Variants in COL5A2 observed in about 807,000 individuals in gnomAD.
The protein encoded by COL5A2 is collagen type V alpha 2 chain, also known as collagen alpha-2(V) chain.
COL5A2 carries 23 observed loss-of-function variants against 208.2 expected under a neutral mutation model. The ratio of observed to expected loss-of-function variants is 0.11; its 90% CI spans 0.08 to 0.16. The LOEUF is 0.16. Ranked by LOEUF, COL5A2 falls within the 10% of genes least tolerant of loss-of-function variation. COL5A2 has a pLI of 1.00. For missense variants in COL5A2, 1,590 were observed against 1,956.4 expected, an observed-to-expected ratio of 0.81 and a Z score of 3.53; for synonymous variants, 625 against 628.5, an observed-to-expected ratio of 0.99 and a Z score of 0.08.
chr2:189,257,425 T>C, the COL5A2 span, among the ~76,000 whole-genome samples: 5 of 152,210 alleles, frequency 3.3e-5, no homozygotes, highest in Non-Finnish European at 7.3e-5. Context: ...TTAATTTTAA[T>C]ATTTTAAGAT....
At chr2:189,106,132 C>T (rs778094898) in intron 2 of COL5A2, among the ~76,000 whole-genome samples, 1 of 151,358 alleles carries the variant, frequency 6.6e-6, no homozygotes, top group Non-Finnish European at 1.5e-5. Flanking sequence ...TTTTAACTTG[C>T]AATATGTTGA....
chr2:189,339,384 G>C, the COL5A2 span, among the ~76,000 whole-genome samples: 1 of 150,474 alleles, frequency 6.6e-6, no homozygotes, highest in African/African-American at 2.4e-5. Context: ...GTTTCAATTT[G>C]CTAACTGTTT....
chr2:189,143,006 G>C (rs1003195171), intron 1 of COL5A2, among the ~76,000 whole-genome samples: 2 of 151,984 alleles, frequency 1.3e-5, no homozygotes, highest in Admixed American at 1.3e-4. Context: ...ATGATTGTTC[G>C]ATCTCTCTCC....
chr2:189,402,006 T>C, the COL5A2 span, among the ~76,000 whole-genome samples: 6 of 152,150 alleles, frequency 3.9e-5, no homozygotes, highest in African/African-American at 1.4e-4. Context: ...AAAATTCCCA[T>C]TCTGTAGGTT....
the COL5A2 span, among the ~76,000 whole-genome samples, chr2:189,425,561 T>C: frequency 2.6e-5 from 4 of 152,180 alleles, no homozygotes; most frequent in Admixed American, 2.6e-4. Context: ...CGGATAAACC[T>C]AGAGGACATT....
the COL5A2 span, among the ~76,000 whole-genome samples, chr2:189,433,635 G>A: frequency 6.6e-6 from 1 of 152,144 alleles, no homozygotes; most frequent in Non-Finnish European, 1.5e-5. Context: ...AAACCAGGAA[G>A]AAGTTGAATC....
At chr2:189,243,306 T>A in the COL5A2 span, among the ~76,000 whole-genome samples, 1 of 152,182 alleles carries the variant, frequency 6.6e-6, no homozygotes, top group Non-Finnish European at 1.5e-5. Flanking sequence ...AACTATGGAA[T>A]TTGTATTAGT....
the COL5A2 span, among the ~76,000 whole-genome samples, chr2:189,350,153 T>C: frequency 6.6e-6 from 1 of 152,130 alleles, no homozygotes; most frequent in African/African-American, 2.4e-5. Context: ...GAAACAGGCA[T>C]ATAAATAAAT....
At chr2:189,046,965 TA>T in intron 45 of COL5A2, among the ~76,000 whole-genome samples, 1 of 151,932 alleles carries the variant, frequency 6.6e-6, no homozygotes, top group East Asian at 1.9e-4. Context: ...CTATTAAAAA[TA>T]CAAAAATTAG....
intron 47 of COL5A2, among the ~76,000 whole-genome samples, chr2:189,044,885 G>A (rs1576489905): frequency 6.6e-6 from 1 of 152,054 alleles, no homozygotes; most frequent in African/African-American, 2.4e-5. Flanking sequence ...TTTTAGAATA[G>A]CTCAGAGAGA....
At chr2:189,328,409 T>C in the COL5A2 span, among the ~76,000 whole-genome samples, 50 of 152,318 alleles carry the variant, frequency 3.3e-4, no homozygotes, top group Admixed American at 3.1e-3. Flanking sequence ...AAAATTCTTA[T>C]TGAAGTCCCA....
the COL5A2 span, among the ~76,000 whole-genome samples, chr2:189,299,922 G>A: frequency 6.6e-6 from 1 of 152,242 alleles, no homozygotes; most frequent in East Asian, 1.9e-4. Flanking sequence ...TGTGCAAAGT[G>A]GAACTAGAGA....
At chr2:189,224,424 C>T (rs1689386556) in intron 1 of COL5A2, among the ~76,000 whole-genome samples, 4 of 152,120 alleles carry the variant, frequency 2.6e-5, no homozygotes, top group African/African-American at 7.2e-5. Context: ...CACGGTGACT[C>T]ACGCCTGTAA....
chr2:189,041,040 C>T (rs1251582741), intron 50 of COL5A2, among the ~76,000 whole-genome samples: 17 of 152,156 alleles, frequency 1.1e-4, no homozygotes, highest in Admixed American at 1.1e-3. Context: ...ATGAGTACAC[C>T]TGTGCATGGA....
chr2:189,120,084 T>C (rs1429651672), intron 1 of COL5A2, among the ~76,000 whole-genome samples: 1 of 152,146 alleles, frequency 6.6e-6, no homozygotes, highest in South Asian at 2.1e-4. Flanking sequence ...ATTTAATCGA[T>C]AGTTATTTAT....
At chr2:189,251,876 A>G in the COL5A2 span, among the ~76,000 whole-genome samples, 1 of 152,236 alleles carries the variant, frequency 6.6e-6, no homozygotes, top group Admixed American at 6.5e-5. Context: ...CAAAGGAGTA[A>G]TATCCAGAAT....
chr2:189,191,157 AAC>A (rs1491005658), intron 1 of COL5A2, among the ~76,000 whole-genome samples: 5 of 74,190 alleles, frequency 6.7e-5, no homozygotes, highest in South Asian at 5.2e-4. Flanking sequence ...AAAAACAAAA[AAC>A]AAACAAACAA....
rs1685437279 is a variant in COL5A2, at chr2:189,036,034, T to A, written c.4113+582A>T. On this transcript the variant is annotated intron_variant, in intron 52 of 53. Coordinates refer to ENST00000374866, the MANE Select transcript of COL5A2 (RefSeq NM_000393.5). ...AAATAATATTAAAAATTTTACAAAA[T>A]GATTCAATTATTTAGACATTATTAT... 2.0e-5 allele frequency among the ~76,000 whole-genome samples: 3 copies of A among 152,104 alleles called. 1 individual carries two copies. The highest frequency in any genetic ancestry group is 4.4e-5 in the Non-Finnish European group (3 of 67,976).
rs558530330 is a variant in COL5A2, at chr2:189,157,984, G to A, written c.97+21524C>T. On this transcript the variant is annotated intron_variant, in intron 1 of 53. Transcript: ENST00000374866. ...CTAGATAGACTTCAATGAAGGTAGAGACTGTGTCTTATATACTGTGGTATC... is the reference window on the plus strand; with the variant it reads ...CTAGATAGACTTCAATGAAGGTAGAAACTGTGTCTTATATACTGTGGTATC... Among the ~76,000 whole-genome samples the A allele has an allele frequency of 3.9e-5, 6 of 152,022 alleles. No homozygotes were observed. The South Asian group carries it at 8.3e-4, about 21-fold the overall frequency.
Sources: allele counts gnomAD v4.1 joint callset (sites outside exome capture counted in the v4.1 genomes callset), GRCh38; gene constraint gnomAD v4.1.1; transcripts MANE v1.5; gene names NCBI Gene and HGNC (gene_info 2026-07-23, HGNC 2026-07-21).